Variants in SLC24A3 observed in about 807,000 individuals in gnomAD.
SLC24A3 encodes sodium/potassium/calcium exchanger 3.
A neutral mutation model predicts 75.8 loss-of-function variants in SLC24A3; 28 were observed. The ratio of observed to expected loss-of-function variants is 0.37; its 90% confidence interval spans 0.27 to 0.51. The LOEUF (loss-of-function observed/expected upper bound fraction) is 0.51. Among genes scored for constraint, SLC24A3 ranks in the 20% least tolerant of loss-of-function variants. SLC24A3 has a pLI of 0.94. For missense variants in SLC24A3, 663 were observed against 847.8 expected, an observed-to-expected ratio of 0.78 and a Z score of 2.71; for synonymous variants, 372 against 334.1, an observed-to-expected ratio of 1.11 and a Z score of -1.24.
chr20:19,282,098 A>G (rs2122225411), intron 2 of SLC24A3, among the ~76,000 whole-genome samples: 1 of 152,238 alleles, frequency 6.6e-6, no homozygotes, highest in Non-Finnish European at 1.5e-5. Context: ...AAGGATATAA[A>G]CAATCTCCAT....
At chr20:19,497,432 G>T (rs1252257555) in intron 2 of SLC24A3, among the ~76,000 whole-genome samples, 1 of 152,140 alleles carries the variant, frequency 6.6e-6, no homozygotes, top group African/African-American at 2.4e-5. Flanking sequence ...CTTAGTAAAA[G>T]GCTAATTAGG....
At chr20:19,540,965 C>G (rs932513810) in intron 3 of SLC24A3, among the ~76,000 whole-genome samples, 1 of 152,282 alleles carries the variant, frequency 6.6e-6, no homozygotes, top group Non-Finnish European at 1.5e-5. Flanking sequence ...TAATCCTCCC[C>G]GTGTCCCAAC....
At chr20:19,617,996 G>GT (rs151327644) in intron 6 of SLC24A3, among the ~76,000 whole-genome samples, 5,272 of 147,592 alleles carry the variant, frequency 0.036, 281 homozygotes, top group East Asian at 0.28. Context: ...TTTGTTTTTT[G>GT]TTTTTTTTTT....
chr20:19,533,427 A>G (rs8117177), intron 3 of SLC24A3, among the ~76,000 whole-genome samples: 15,136 of 152,228 alleles, frequency 0.099, 834 homozygotes, highest in South Asian at 0.11. Flanking sequence ...GCAAGGTCAC[A>G]CTGCAGAAGA....
At chr20:19,294,727 A>G (rs1301241050) in intron 2 of SLC24A3, among the ~76,000 whole-genome samples, 2 of 152,218 alleles carry the variant, frequency 1.3e-5, no homozygotes, top group South Asian at 2.1e-4. Flanking sequence ...TGCTATTGTG[A>G]ATAGTGCTGC....
chr20:19,669,209 T>C (rs2032435737), intron 8 of SLC24A3, among the ~76,000 whole-genome samples: 1 of 152,208 alleles, frequency 6.6e-6, no homozygotes, highest in East Asian at 1.9e-4. Context: ...ACACTTGACA[T>C]AGGAAGCATC....
At chr20:19,523,373 T>C (rs1302958163) in intron 3 of SLC24A3, among the ~76,000 whole-genome samples, 1 of 152,236 alleles carries the variant, frequency 6.6e-6, no homozygotes, top group Non-Finnish European at 1.5e-5. Flanking sequence ...TGCTGTTTAC[T>C]CTTGGAAAAG....
At chr20:19,548,602 T>C (rs756209008) in intron 3 of SLC24A3, among the ~76,000 whole-genome samples, 8 of 152,214 alleles carry the variant, frequency 5.3e-5, no homozygotes, top group Non-Finnish European at 1.2e-4. Flanking sequence ...AACGCCAAGG[T>C]GTCAGCCATC....
rs751968511 is a variant in SLC24A3, at chr20:19,628,114, G to T, written c.613-25948G>T. On this transcript the variant is annotated intron_variant, in intron 6 of 16. Coordinates refer to ENST00000328041, the MANE Select transcript of SLC24A3 (RefSeq NM_020689.4). ...AGCTACTCGGGAGACTGAGGCAGGA[G>T]AATCGCTTGAACCCAGGAGGCGGAG... is the stretch of plus-strand genomic sequence containing the variant. Among the ~76,000 whole-genome samples the T allele has an allele frequency of 6.2e-5, 9 of 144,022 alleles. No individual in the cohort carries two copies. In the South Asian group the frequency reaches 8.7e-4, roughly 14 times the overall value. The allele number at this position is 144,022 out of a possible 152,430, so 94.5% of individuals were successfully genotyped here.
intron 1 of SLC24A3, among the ~76,000 whole-genome samples, chr20:19,232,730 A>C (rs1228190493): frequency 6.6e-6 from 1 of 152,216 alleles, no homozygotes; most frequent in African/African-American, 2.4e-5. Context: ...ATCTGCCTTT[A>C]GGCTTGTTGC....
chr20:19,247,764 C>T (rs1019971680), intron 1 of SLC24A3, among the ~76,000 whole-genome samples: 6 of 152,174 alleles, frequency 3.9e-5, no homozygotes, highest in African/African-American at 1.4e-4. Context: ...AAAGTTACTA[C>T]ACTTAATTTC....
At chr20:19,357,810 T>C (rs1001843648) in intron 2 of SLC24A3, among the ~76,000 whole-genome samples, 1 of 152,264 alleles carries the variant, frequency 6.6e-6, no homozygotes, top group Non-Finnish European at 1.5e-5. Context: ...CTTCAGATAA[T>C]GGGCAAAGCC....
intron 2 of SLC24A3, among the ~76,000 whole-genome samples, chr20:19,317,989 G>C (rs1385527064): frequency 6.6e-6 from 1 of 152,160 alleles, no homozygotes; most frequent in Non-Finnish European, 1.5e-5. Context: ...GCTTTCTTTG[G>C]AGGCCAGAGT....
At chr20:19,715,574 G>T (rs2033036509) in intron 15 of SLC24A3, among the ~76,000 whole-genome samples, 1 of 152,178 alleles carries the variant, frequency 6.6e-6, no homozygotes, top group Non-Finnish European at 1.5e-5. Context: ...CTCTGTGACA[G>T]GACATCATTA....
intron 1 of SLC24A3, among the ~76,000 whole-genome samples, chr20:19,222,224 G>C (rs527632434): frequency 1.3e-5 from 2 of 151,986 alleles, no homozygotes; most frequent in Middle Eastern, 3.2e-3. Context: ...AAGTAGATTC[G>C]TAGTAGTATT....
chr20:19,402,951 A>G (rs1391346699), intron 2 of SLC24A3, among the ~76,000 whole-genome samples: 1 of 152,200 alleles, frequency 6.6e-6, no homozygotes, highest in Non-Finnish European at 1.5e-5. Flanking sequence ...TGACTACTGT[A>G]CCCAAAGAAC....
chr20:19,316,065 G>A (rs1004797739), intron 2 of SLC24A3, among the ~76,000 whole-genome samples: 3 of 152,172 alleles, frequency 2.0e-5, no homozygotes, highest in Non-Finnish European at 2.9e-5. Flanking sequence ...GGCTGGGGGC[G>A]GCAGCTCACC....
intron 1 of SLC24A3, among the ~76,000 whole-genome samples, chr20:19,262,368 G>A (rs1267813857): frequency 7.3e-6 from 1 of 136,630 alleles, no homozygotes; most frequent in Non-Finnish European, 1.5e-5. Flanking sequence ...TCGCGCCACT[G>A]CACTCCAGCC....
At chr20:19,422,558 T>C (rs1986935214) in intron 2 of SLC24A3, among the ~76,000 whole-genome samples, 1 of 152,150 alleles carries the variant, frequency 6.6e-6, no homozygotes, top group Non-Finnish European at 1.5e-5. Context: ...ATGCTGACGG[T>C]CATTCTCAAC....
Sources: gnomAD v4.1 joint callset for allele counts (sites outside exome capture counted in the v4.1 genomes callset) on GRCh38, gnomAD v4.1.1 for gene constraint, MANE v1.5 for transcripts, NCBI Gene and HGNC (gene_info 2026-07-23, HGNC 2026-07-21) for gene names.